Variants in DNER observed in about 807,000 individuals in gnomAD.
DNER encodes delta and Notch-like epidermal growth factor-related receptor.
Under a neutral mutation model 78.2 loss-of-function variants are expected in DNER, and 33 were observed. The observed-to-expected ratio is 0.42, with a 90% confidence interval of 0.32 to 0.56. The LOEUF (loss-of-function observed/expected upper bound fraction) is 0.56, where lower values mean the gene tolerates loss of function less well. DNER is among the 20% of genes least tolerant of loss of function. The pLI is 0.11. For synonymous variants in DNER, 417 were observed against 384.8 expected (o/e 1.08, Z -0.98); for missense variants, 918 against 975.3 (o/e 0.94, Z 0.78).
chr2:229,586,133 G>T, intron 3 of DNER, 109 bp from the exon 4 acceptor site: 1 of 1,322,760 alleles, frequency 7.6e-7, no homozygotes, highest in Non-Finnish European at 1.0e-6. Context: ...ATCTACCAAG[G>T]TACCAGGAGA....
intron 1 of DNER, among the ~76,000 whole-genome samples, chr2:229,642,269 A>G (rs1261549880): frequency 6.6e-6 from 1 of 152,154 alleles, no homozygotes; most frequent in Non-Finnish European, 1.5e-5. Context: ...TGCTTTTTCA[A>G]TCCCAACAAT....
chr2:229,582,982 C>T (rs960535401), intron 4 of DNER, among the ~76,000 whole-genome samples: 2 of 152,196 alleles, frequency 1.3e-5, no homozygotes, highest in South Asian at 2.1e-4. Context: ...AGGAATAATA[C>T]GTTTCATCCA....
At chr2:229,398,605 T>C (rs1368003491) in intron 10 of DNER, among the ~76,000 whole-genome samples, 3 of 152,136 alleles carry the variant, frequency 2.0e-5, no homozygotes, top group African/African-American at 7.2e-5. Flanking sequence ...TACTTGTTTC[T>C]CACAAAACAC....
intron 1 of DNER, among the ~76,000 whole-genome samples, chr2:229,658,631 T>C (rs1162126871): frequency 6.6e-6 from 1 of 152,202 alleles, no homozygotes; most frequent in Non-Finnish European, 1.5e-5. Flanking sequence ...GGGAGTTGTT[T>C]TTATTTTCCA....
intron 4 of DNER, among the ~76,000 whole-genome samples, chr2:229,565,839 CTTTA>C (rs780190034): frequency 1.3e-5 from 2 of 151,146 alleles, no homozygotes; most frequent in Non-Finnish European, 2.9e-5. Flanking sequence ...AATTAAAATT[CTTTA>C]TTTAATCTCT....
intron 8 of DNER, among the ~76,000 whole-genome samples, chr2:229,436,140 CTTCT>C (rs1694115920): frequency 6.6e-6 from 1 of 152,120 alleles, no homozygotes; most frequent in African/African-American, 2.4e-5. Flanking sequence ...CTATTGTTCC[CTTCT>C]TTGTGTCCAT....
intron 1 of DNER, among the ~76,000 whole-genome samples, chr2:229,662,744 C>T (rs1328264752): frequency 6.6e-6 from 1 of 152,182 alleles, no homozygotes; most frequent in Non-Finnish European, 1.5e-5. Flanking sequence ...GTCAACAAAG[C>T]CACCAGTATT....
Position 229,714,392 on chromosome 2 carries a change from G to A in DNER, c.32C>T (p.Ala11Val), listed in dbSNP as rs974791695. Residue 11 changes from alanine to valine, a missense_variant, in exon 1 of 13, where the codon GCG (alanine) becomes GTG (valine). Coordinates refer to ENST00000341772, the MANE Select transcript of DNER (RefSeq NM_139072.4). ...CAGGGCCAGCGCGGGCAGCAGCTGC[G>A]CACCGGGCGCCTGGGCGCGGCGGGG... Reference protein sequence around the residue: MQPRRAQAPGAQLLPALALLL... With the variant: MQPRRAQAPGVQLLPALALLL... 15 of 1,189,234 alleles carry A rather than the reference G, an allele frequency of 1.3e-5. No homozygotes were observed. In the African/African-American group the frequency reaches 2.2e-4, roughly 18 times the overall value. The allele number at this position is 1,189,234 out of a possible 1,614,324, so 73.7% of individuals were successfully genotyped here. A position where few individuals can be genotyped will look rare whatever the true frequency, so the allele number is the denominator to read the frequency against.
chr2:229,499,444 C>CAA lies in DNER; in HGVS notation c.1147+13337_1147+13338dup, dbSNP rs777417272. ...TGAGCAACACAGCAAGACTCCAACT[C>CAA]AAAAAAAAAAAAAAAAAGGAAATTT... On this transcript the variant is annotated intron_variant, in intron 6 of 12. Transcript: ENST00000341772. Among the ~76,000 whole-genome samples the CAA allele has an allele frequency of 1.4e-3, 107 of 74,796 alleles. 2 individuals are homozygous for CAA. Among genetic ancestry groups the CAA allele is most frequent in the South Asian group, 4.2e-3 (10 of 2,390 alleles). The allele number at this position is 74,796 out of a possible 152,430, so 49.1% of individuals were successfully genotyped here.
At chr2:229,648,548 C>T (rs768291269) in intron 1 of DNER, among the ~76,000 whole-genome samples, 45 of 152,290 alleles carry the variant, frequency 3.0e-4, no homozygotes, top group Non-Finnish European at 4.1e-4. Flanking sequence ...TGTCTAAAGT[C>T]GCTGTAGCTA....
At chr2:229,376,337 C>T (rs989328917) in intron 11 of DNER, among the ~76,000 whole-genome samples, 2 of 152,068 alleles carry the variant, frequency 1.3e-5, no homozygotes, top group Non-Finnish European at 2.9e-5. Flanking sequence ...GAAGACACTG[C>T]CAGAAGGCCC....
intron 12 of DNER, among the ~76,000 whole-genome samples, chr2:229,365,756 C>T (rs191354198): frequency 2.0e-4 from 31 of 152,216 alleles, no homozygotes; most frequent in Admixed American, 9.8e-4. Context: ...ATGTCTTGAC[C>T]GATACCAACA....
intron 4 of DNER, among the ~76,000 whole-genome samples, chr2:229,580,848 G>T (rs141122186): frequency 1.1e-4 from 17 of 152,300 alleles, no homozygotes; most frequent in African/African-American, 3.8e-4. Context: ...AGCAGTTAAA[G>T]GAGATCTGAG....
chr2:229,428,208 A>T (rs1693926445), intron 8 of DNER, among the ~76,000 whole-genome samples: 1 of 151,942 alleles, frequency 6.6e-6, no homozygotes, highest in South Asian at 2.1e-4. Flanking sequence ...TGCTCCAGCT[A>T]CCCTTTGGAG....
chr2:229,714,297 A>G lies in DNER; in HGVS notation c.127T>C (p.Ser43Pro). 7.6e-7 allele frequency: 1 copy of G among 1,321,256 alleles called. No individual in the cohort carries two copies. Among genetic ancestry groups the G allele is most frequent in the Non-Finnish European group, 9.6e-7 (1 of 1,039,110 alleles). The allele number at this position is 1,321,256 out of a possible 1,614,324, so 81.8% of individuals were successfully genotyped here. The change falls in exon 1 of 13, where the codon TCT (serine) becomes CCT (proline). Residue 43 changes from serine (S) to proline (P), a missense_variant. Physicochemically the swap from Ser to Pro is moderately conservative, Grantham distance 74 (BLOSUM62 -1). Transcript: ENST00000341772. ...TGCGCGGCGCACGGCCCGGGCGCAG[A>G]CAGGGGCGCGGCGGGCACCGGGTTG... ...LANPVPAAPL[S>P]APGPCAAQPC...
chr2:229,652,888 C>G (rs890125943), intron 1 of DNER, among the ~76,000 whole-genome samples: 1 of 152,170 alleles, frequency 6.6e-6, no homozygotes, highest in African/African-American at 2.4e-5. Flanking sequence ...TGTTCACATC[C>G]TGCAAAAGGG....
At chr2:229,506,443 C>A (rs2154212128) in intron 6 of DNER, among the ~76,000 whole-genome samples, 1 of 151,996 alleles carries the variant, frequency 6.6e-6, no homozygotes, top group African/African-American at 2.4e-5. Flanking sequence ...GACACAGAGC[C>A]AAACCATACC....
chr2:229,676,578 G>A (rs936174482), intron 1 of DNER, among the ~76,000 whole-genome samples: 3 of 152,254 alleles, frequency 2.0e-5, no homozygotes, highest in African/African-American at 7.2e-5. Context: ...GACTGTTCTT[G>A]CAGGTCTTCC....
chr2:229,681,472 C>T (rs1004442821), intron 1 of DNER, among the ~76,000 whole-genome samples: 6 of 152,140 alleles, frequency 3.9e-5, no homozygotes, highest in African/African-American at 1.4e-4. Context: ...GCCAATTATG[C>T]TCAAAATAAG....
Sources: allele counts gnomAD v4.1 joint callset (sites outside exome capture counted in the v4.1 genomes callset), GRCh38; gene constraint gnomAD v4.1.1; transcripts MANE v1.5; gene names NCBI Gene and HGNC (gene_info 2026-07-23, HGNC 2026-07-21).